SCP2: variants seen among roughly 807,000 people sequenced by gnomAD.
The protein encoded by SCP2 is sterol carrier protein 2.
SCP2 carries 48 observed loss-of-function variants against 71.4 expected under a neutral mutation model. The ratio of observed to expected loss-of-function variants is 0.67; its 90% CI spans 0.53 to 0.86. SCP2 has a LOEUF of 0.86. Among genes scored for constraint, SCP2 ranks in the 40% least tolerant of loss-of-function variants. The pLI is 0.00. For synonymous variants in SCP2, 220 were observed against 218.1 expected, an observed-to-expected ratio of 1.01 and a Z score of -0.08; for missense variants, 560 against 655.6, an observed-to-expected ratio of 0.85 and a Z score of 1.59.
At chr1:53,039,400 A>T (rs61355531) in intron 14 of SCP2, among the ~76,000 whole-genome samples, 5,708 of 152,292 alleles carry the variant, frequency 0.037, 227 homozygotes, top group East Asian at 0.21. Flanking sequence ...TGGTATGAAG[A>T]TTAAGAGGAT....
intron 13 of SCP2, among the ~76,000 whole-genome samples, chr1:53,034,048 G>A (rs536792265): frequency 5.9e-5 from 9 of 152,274 alleles, no homozygotes; most frequent in Admixed American, 1.3e-4. Flanking sequence ...TGGATCACTC[G>A]AGGTCAGGAG....
intron 1 of SCP2, among the ~76,000 whole-genome samples, chr1:52,933,326 C>A (rs1653338795): frequency 6.6e-6 from 1 of 152,086 alleles, no homozygotes; most frequent in Admixed American, 6.6e-5. Context: ...GTGGCTCATG[C>A]CTGTAATCTT....
intron 14 of SCP2, among the ~76,000 whole-genome samples, chr1:53,045,734 AC>A (rs1257348644): frequency 1.3e-5 from 2 of 152,234 alleles, no homozygotes; most frequent in African/African-American, 4.8e-5. Context: ...AATAAAATCA[AC>A]CCTTTTTAGA....
chr1:52,992,116 A>C (rs1378164407), intron 11 of SCP2, among the ~76,000 whole-genome samples: 2 of 152,224 alleles, frequency 1.3e-5, no homozygotes, highest in Non-Finnish European at 2.9e-5. Flanking sequence ...TAGATGTGTG[A>C]CTGGCCAAAG....
In SCP2 at chr1:52,974,720, A is replaced by C. The variant is rs771097091; in HGVS notation, c.524-49A>C. On this transcript the variant is annotated intron_variant, in intron 6 of 15. Coordinates refer to ENST00000371514, the MANE Select transcript of SCP2 (RefSeq NM_002979.5). ...AGTACCATTGCAAGATTTGTTAATA[A>C]GCAGCGGAAAAACATTCACCCACTG... 5 of 889,326 alleles carry C rather than the reference A, an allele frequency of 5.6e-6. No individual in the cohort carries two copies. In the East Asian group the frequency reaches 1.2e-4, roughly 21 times the overall value. 55.1% of individuals were successfully genotyped at this position (889,326 alleles called of 1,614,324 possible). A position where few individuals can be genotyped will look rare whatever the true frequency, so the allele number is the denominator to read the frequency against.
intron 14 of SCP2, among the ~76,000 whole-genome samples, chr1:53,044,557 A>C (rs570274252): frequency 7.9e-5 from 12 of 152,244 alleles, no homozygotes; most frequent in Non-Finnish European, 4.4e-5. Flanking sequence ...TGAAGTTTTC[A>C]TTCTATTGGA....
At position 52,930,894 on chromosome 1, in the gene SCP2, T is replaced by C. The variant is rs533600060; in HGVS notation, c.69+3429T>C. 2.0e-5 allele frequency among the ~76,000 whole-genome samples: 3 copies of C among 152,312 alleles called. No individual in the cohort carries two copies. In the South Asian group the frequency reaches 6.2e-4, roughly 32 times the overall value. On this transcript the variant is annotated intron_variant, in intron 1 of 15. Transcript: ENST00000371514. ...ACTGTTATAATTTATCATTGAAACA[T>C]ATATTCAGTAAATATTCTATGGGTT...
At chr1:52,945,813 A>C (rs1654733641) in intron 2 of SCP2, among the ~76,000 whole-genome samples, 1 of 151,742 alleles carries the variant, frequency 6.6e-6, no homozygotes, top group South Asian at 2.1e-4. Context: ...ATTTTAGAAA[A>C]ATTGTAATGA....
intron 11 of SCP2, chr1:52,995,619 C>T (rs958655243): frequency 1.7e-6 from 1 of 578,154 alleles, no homozygotes; most frequent in Admixed American, 2.1e-5. Context: ...AATGAGACCC[C>T]TGCCACAGCT....
At chr1:52,935,914 G>T (rs1374644162) in intron 1 of SCP2, among the ~76,000 whole-genome samples, 1 of 151,954 alleles carries the variant, frequency 6.6e-6, no homozygotes, top group Non-Finnish European at 1.5e-5. Context: ...CTGCAGCCTG[G>T]GTGACAGAGC....
At chr1:52,990,086 T>A (rs1572149730) in intron 11 of SCP2, among the ~76,000 whole-genome samples, 1 of 152,168 alleles carries the variant, frequency 6.6e-6, no homozygotes, top group East Asian at 1.9e-4. Context: ...AGTCAGTAGC[T>A]GAGGGAAGAG....
chr1:52,945,816 T>G (rs540872422), intron 2 of SCP2, among the ~76,000 whole-genome samples: 30 of 152,130 alleles, frequency 2.0e-4, no homozygotes, highest in South Asian at 1.4e-3. Flanking sequence ...TTAGAAAAAT[T>G]GTAATGAACA....
intron 6 of SCP2, 130 bp downstream of exon 6, chr1:52,961,759 A>G (rs1165241058): frequency 1.2e-6 from 1 of 811,650 alleles, no homozygotes; most frequent in Non-Finnish European, 2.0e-6. Flanking sequence ...TTTGAATTAA[A>G]TCGAAGTAAT....
intron 9 of SCP2, 134 bp from the exon 10 acceptor site, chr1:52,980,262 A>G: frequency 1.2e-6 from 1 of 800,954 alleles, no homozygotes; most frequent in Non-Finnish European, 2.0e-6. Flanking sequence ...GCATGAGCCA[A>G]TGCACCTGGG....
intron 14 of SCP2, 53 bp from the exon 15 acceptor site, chr1:53,047,805 T>C (rs374489864): frequency 1.6e-4 from 204 of 1,257,386 alleles, no homozygotes; most frequent in Non-Finnish European, 2.2e-4. Flanking sequence ...AAAATGTATA[T>C]GTGAAACTGA....
chr1:53,002,903 A>G (rs1660405743), intron 11 of SCP2, among the ~76,000 whole-genome samples: 1 of 152,232 alleles, frequency 6.6e-6, no homozygotes, highest in Non-Finnish European at 1.5e-5. Context: ...GGTTGCCAAA[A>G]TAAATCCTAG....
At chr1:52,993,935 G>A (rs1316335746) in intron 11 of SCP2, 7 of 1,360,586 alleles carry the variant, frequency 5.1e-6, no homozygotes, top group Non-Finnish European at 6.6e-6. Context: ...GCTTTTATCG[G>A]TAGCCATCAA....
chr1:53,022,969 A>C (rs77509776), intron 12 of SCP2, among the ~76,000 whole-genome samples: 5,710 of 152,296 alleles, frequency 0.037, 229 homozygotes, highest in East Asian at 0.21. Context: ...TATATAAACC[A>C]AATTAAAAAA....
chr1:53,002,123 C>T (rs1056208613), intron 11 of SCP2, among the ~76,000 whole-genome samples: 18 of 150,686 alleles, frequency 1.2e-4, no homozygotes, highest in Non-Finnish European at 2.9e-5. Flanking sequence ...GGCGGCGGAG[C>T]TTGCAGTGAG....
Sources: allele counts gnomAD v4.1 joint callset (sites outside exome capture counted in the v4.1 genomes callset), GRCh38; gene constraint gnomAD v4.1.1; transcripts MANE v1.5; gene names NCBI Gene and HGNC (gene_info 2026-07-23, HGNC 2026-07-21).